Variants in DLGAP2 observed in about 807,000 individuals in gnomAD.
The protein encoded by DLGAP2 is disks large-associated protein 2.
In DLGAP2, 26 loss-of-function variants were observed where a neutral mutation model predicts 100.3. The observed-to-expected ratio is 0.26, with a 90% CI of 0.19 to 0.36. The LOEUF (loss-of-function observed/expected upper bound fraction) is 0.36. Ranked by LOEUF, DLGAP2 falls within the 10% of genes least tolerant of loss-of-function variation. DLGAP2 has a pLI of 1.00. For synonymous variants in DLGAP2, 886 were observed against 630.1 expected (o/e 1.41, Z -6.08); for missense variants, 1,858 against 1,453.2 (o/e 1.28, Z -4.53).
At chr8:1,221,419 A>G (rs980661742) in intron 2 of DLGAP2, among the ~76,000 whole-genome samples, 2 of 152,208 alleles carry the variant, frequency 1.3e-5, no homozygotes, top group Non-Finnish European at 2.9e-5. Context: ...GATGCTGAAT[A>G]TAGTTTCTTA....
At chr8:868,682 G>A (rs1203954808) in intron 1 of DLGAP2, among the ~76,000 whole-genome samples, 1 of 152,234 alleles carries the variant, frequency 6.6e-6, no homozygotes, top group Non-Finnish European at 1.5e-5. Flanking sequence ...TGAAGAAGGT[G>A]CTGGTGTGGG....
At chr8:1,256,994 C>T (rs988611296) in intron 2 of DLGAP2, among the ~76,000 whole-genome samples, 3 of 152,056 alleles carry the variant, frequency 2.0e-5, no homozygotes, top group African/African-American at 4.8e-5. Flanking sequence ...AGGGCTCCTG[C>T]GTCCGATGGC....
chr8:1,191,477 T>C (rs1257657808), intron 2 of DLGAP2, among the ~76,000 whole-genome samples: 1 of 152,184 alleles, frequency 6.6e-6, no homozygotes, highest in Non-Finnish European at 1.5e-5. Context: ...GCCGATACGT[T>C]TTATCTATAA....
intron 2 of DLGAP2, among the ~76,000 whole-genome samples, chr8:1,064,103 A>G (rs1803171855): frequency 6.6e-6 from 1 of 152,204 alleles, no homozygotes; most frequent in Admixed American, 6.5e-5. Context: ...CAGCTATGGG[A>G]AAGCTTTAGG....
rs1184292495 is a variant in DLGAP2 at position 1,477,019 on chromosome 8, A to T, written c.107-24347A>T. Among the ~76,000 whole-genome samples, 5 of 152,340 alleles carry T rather than the reference A, an allele frequency of 3.3e-5. No homozygotes were observed. The South Asian group carries it at 6.2e-4, about 19-fold the overall frequency. The stretch of plus-strand genomic sequence containing the variant: ...TCCAGGAACCTAAACACCTGTGAAG[A>T]CAGGTTTATTCTCAGGTCATTCCTT... On this transcript the variant is annotated intron_variant, in intron 3 of 14. Transcript: ENST00000637795.
chr8:769,036 G>T (rs1301078581), intron 1 of DLGAP2, among the ~76,000 whole-genome samples: 2 of 152,036 alleles, frequency 1.3e-5, no homozygotes, highest in African/African-American at 4.8e-5. Flanking sequence ...ATTGTTTCGA[G>T]TATTAGGTGA....
chr8:1,265,253 A>G (rs553256736), intron 3 of DLGAP2, among the ~76,000 whole-genome samples: 1 of 152,352 alleles, frequency 6.6e-6, no homozygotes, highest in African/African-American at 2.4e-5. Context: ...AGTATCTATT[A>G]TGAGGAAAGA....
At chr8:1,668,267 A>G in intron 8 of DLGAP2, 62 bp from the exon 9 acceptor site, 1 of 1,407,740 alleles carries the variant, frequency 7.1e-7, no homozygotes, top group East Asian at 2.5e-5. Flanking sequence ...GTGGGGAAAC[A>G]GTAGACCACA....
chr8:952,754 C>T (rs1351377330), intron 2 of DLGAP2, among the ~76,000 whole-genome samples: 1 of 152,150 alleles, frequency 6.6e-6, no homozygotes, highest in Admixed American at 6.5e-5. Flanking sequence ...TGATGAGTAG[C>T]ATTATTTTAT....
At chr8:1,153,325 A>G (rs1796728458) in intron 2 of DLGAP2, among the ~76,000 whole-genome samples, 1 of 152,174 alleles carries the variant, frequency 6.6e-6, no homozygotes, top group South Asian at 2.1e-4. Flanking sequence ...CTAAATCATA[A>G]CTTGCCTACC....
At chr8:960,452 G>C (rs549043258) in intron 2 of DLGAP2, among the ~76,000 whole-genome samples, 4 of 151,770 alleles carry the variant, frequency 2.6e-5, no homozygotes, top group African/African-American at 7.3e-5. Context: ...GGGTGGTCTT[G>C]AACTCCTCCT....
intron 4 of DLGAP2, among the ~76,000 whole-genome samples, chr8:1,535,841 C>T (rs529081753): frequency 1.3e-5 from 2 of 152,238 alleles, no homozygotes; most frequent in South Asian, 2.1e-4. Context: ...TGCCCTGTGC[C>T]GGCTCTCAGG....
intron 3 of DLGAP2, among the ~76,000 whole-genome samples, chr8:1,284,534 G>A (rs928774587): frequency 3.3e-5 from 5 of 152,164 alleles, no homozygotes; most frequent in African/African-American, 2.4e-5. Flanking sequence ...TCAACTCACC[G>A]CTTTCAGTGT....
At chr8:1,316,309 G>A (rs1416619899) in intron 3 of DLGAP2, among the ~76,000 whole-genome samples, 2 of 135,058 alleles carry the variant, frequency 1.5e-5, no homozygotes, top group African/African-American at 2.8e-5. Context: ...GTCTACACTC[G>A]AGAAACTTGG....
chr8:1,549,042 G>T lies in DLGAP2; in HGVS notation c.589G>T (p.Glu197Ter). The change falls in exon 5 of 15, where the codon GAG becomes TAG. Residue 197 changes from glutamate to a stop codon, truncating the protein, a stop_gained. Transcript: ENST00000637795. LOFTEE classifies it high-confidence loss of function. ...RIPANLLDQF[E>*]KQLPLHRDGF... ...CCCGGCCAACCTGCTGGACCAGTTC[G>T]AGAAGCAGCTGCCGCTGCACCGGGA... 6.3e-7 allele frequency: 1 copy of T among 1,593,694 alleles called. No homozygotes were observed.
intron 2 of DLGAP2, among the ~76,000 whole-genome samples, chr8:1,083,597 T>C (rs1413098598): frequency 1.3e-5 from 2 of 152,232 alleles, no homozygotes; most frequent in Admixed American, 6.5e-5. Context: ...CTCATAATTA[T>C]GCTAACTGAT....
chr8:997,387 T>G (rs1463922296), intron 2 of DLGAP2, among the ~76,000 whole-genome samples: 1 of 152,228 alleles, frequency 6.6e-6, no homozygotes. Context: ...TAGATTATCT[T>G]TTTTTAAATG....
chr8:1,669,195 G>C (rs1798624939), intron 9 of DLGAP2, among the ~76,000 whole-genome samples: 2 of 152,186 alleles, frequency 1.3e-5, no homozygotes, highest in Non-Finnish European at 2.9e-5. Flanking sequence ...GTGCTGGCAG[G>C]CCCCTCAGCT....
chr8:1,296,202 C>T (rs1156263519), intron 3 of DLGAP2: 2 of 152,078 alleles, frequency 1.3e-5, no homozygotes, highest in Non-Finnish European at 2.9e-5. Flanking sequence ...TGGGCTGAGA[C>T]CCTTGATGAC....
Sources: allele counts gnomAD v4.1 joint callset (sites outside exome capture counted in the v4.1 genomes callset), GRCh38; gene constraint gnomAD v4.1.1; transcripts MANE v1.5; gene names NCBI Gene and HGNC (gene_info 2026-07-23, HGNC 2026-07-21).